The following BICC1 variants were observed in gnomAD, a reference collection of about 807,000 sequenced individuals.
The protein encoded by BICC1 is BicC family RNA binding protein 1.
BICC1 carries 43 observed loss-of-function variants against 111.0 expected under a neutral mutation model. The observed-to-expected ratio is 0.39, with a 90% CI of 0.30 to 0.50. BICC1 has a LOEUF of 0.50. Ranked by LOEUF, BICC1 falls within the 20% of genes least tolerant of loss-of-function variation. The pLI is 0.88. For missense variants in BICC1, 1,091 were observed against 1,203.2 expected, an observed-to-expected ratio of 0.91 and a Z score of 1.38; for synonymous variants, 467 against 434.4, an observed-to-expected ratio of 1.07 and a Z score of -0.93.
At chr10:58,525,677 C>T (rs1842516126) in intron 1 of BICC1, among the ~76,000 whole-genome samples, 4 of 127,040 alleles carry the variant, frequency 3.1e-5, no homozygotes, top group Admixed American at 2.9e-4. Context: ...CTAACCTGCA[C>T]GTTGTGTACA....
chr10:58,803,202 G>A lies in BICC1; in HGVS notation c.2141G>A (p.Arg714Lys). The A allele has an allele frequency of 6.2e-7, 1 of 1,608,736 alleles. No individual in the cohort carries two copies. The highest frequency in any genetic ancestry group is 8.5e-7 in the Non-Finnish European group (1 of 1,177,412). The change falls in exon 15 of 21, where the codon AGG (arginine) becomes AAG (lysine). Residue 714 changes from arginine to lysine, a missense_variant. Coordinates refer to ENST00000373886, the MANE Select transcript of BICC1 (RefSeq NM_001080512.3). The part of the protein sequence containing the change: ...RAAAAQQNSE[R>K]AHLAPRSSYV... ...GCAGCTGCCCAGCAAAACTCCGAAA[G>A]GGCCCACCTTGCTCCACGGTCATCA...
At chr10:58,683,503 C>T (rs1564551256) in intron 2 of BICC1, among the ~76,000 whole-genome samples, 2 of 152,192 alleles carry the variant, frequency 1.3e-5, no homozygotes. Flanking sequence ...TTGATTCTTC[C>T]TATCCATGAG....
At chr10:58,587,119 T>A (rs190255488) in intron 1 of BICC1, among the ~76,000 whole-genome samples, 2 of 152,290 alleles carry the variant, frequency 1.3e-5, no homozygotes. Context: ...GTGCCTCAGG[T>A]GCCTCATGCA....
chr10:58,646,423 G>A (rs759581759), intron 2 of BICC1, among the ~76,000 whole-genome samples: 13 of 152,116 alleles, frequency 8.5e-5, no homozygotes, highest in Admixed American at 2.0e-4. Flanking sequence ...TATAGTAACA[G>A]TTTTACCATA....
chr10:58,614,645 C>T (rs1311863746), intron 1 of BICC1, among the ~76,000 whole-genome samples: 2 of 151,992 alleles, frequency 1.3e-5, no homozygotes, highest in Non-Finnish European at 2.9e-5. Flanking sequence ...AAATCTTTCC[C>T]TTTTTATTCA....
chr10:58,533,345 T>C (rs2131859762), intron 1 of BICC1, among the ~76,000 whole-genome samples: 1 of 151,994 alleles, frequency 6.6e-6, no homozygotes, highest in South Asian at 2.1e-4. Flanking sequence ...CTTAATAATG[T>C]AAAAAAGACT....
chr10:58,820,872 C>A (rs1456096651), intron 20 of BICC1, among the ~76,000 whole-genome samples: 3 of 152,088 alleles, frequency 2.0e-5, no homozygotes, highest in African/African-American at 7.2e-5. Context: ...CGACTGAGTT[C>A]ATTGCACTGA....
At chr10:58,725,634 A>C (rs545991179) in intron 3 of BICC1, among the ~76,000 whole-genome samples, 2 of 152,206 alleles carry the variant, frequency 1.3e-5, no homozygotes, top group African/African-American at 4.8e-5. Flanking sequence ...CTTATTTTGC[A>C]AACAAATCCA....
intron 3 of BICC1, among the ~76,000 whole-genome samples, chr10:58,746,294 A>G (rs1841836215): frequency 1.3e-5 from 2 of 152,174 alleles, no homozygotes; most frequent in African/African-American, 2.4e-5. Flanking sequence ...AAAACAATGT[A>G]TTAATATTTG....
At chr10:58,591,741 G>C (rs529013255) in intron 1 of BICC1, among the ~76,000 whole-genome samples, 1 of 152,322 alleles carries the variant, frequency 6.6e-6, no homozygotes, top group African/African-American at 2.4e-5. Context: ...TCAATATTAT[G>C]ATTTTAGGAA....
At chr10:58,712,829 T>C (rs763638919) in intron 3 of BICC1, among the ~76,000 whole-genome samples, 2 of 152,112 alleles carry the variant, frequency 1.3e-5, no homozygotes, top group Non-Finnish European at 2.9e-5. Flanking sequence ...GAAGTTGATG[T>C]GATGTTGACA....
intron 1 of BICC1, among the ~76,000 whole-genome samples, chr10:58,542,019 T>C (rs1842996431): frequency 6.6e-6 from 1 of 151,508 alleles, no homozygotes; most frequent in Admixed American, 6.6e-5. Flanking sequence ...GGTGTAGTGA[T>C]GTGTGCCTTT....
chr10:58,749,553 A>G (rs1455783578), intron 3 of BICC1, among the ~76,000 whole-genome samples: 3 of 152,140 alleles, frequency 2.0e-5, no homozygotes, highest in Non-Finnish European at 4.4e-5. Context: ...AATTTCGTAT[A>G]ATTCAGATGT....
chr10:58,681,531 G>T (rs1462200341), intron 2 of BICC1, among the ~76,000 whole-genome samples: 2 of 152,184 alleles, frequency 1.3e-5, no homozygotes, highest in African/African-American at 4.8e-5. Context: ...TGGAGAAATA[G>T]GAATGGTTCT....
chr10:58,693,105 G>C (rs2132417173), intron 2 of BICC1, among the ~76,000 whole-genome samples: 1 of 152,162 alleles, frequency 6.6e-6, no homozygotes, highest in South Asian at 2.1e-4. Context: ...GTGAGAACAT[G>C]CGGTGTTTGG....
chr10:58,805,294 AAAAC>A lies in BICC1; in HGVS notation c.2182-1270_2182-1267del, dbSNP rs781154182. Among the ~76,000 whole-genome samples, 34 of 150,498 alleles carry A rather than the reference AAAAC, an allele frequency of 2.3e-4. 1 individual carries two copies. Among genetic ancestry groups the A allele is most frequent in the South Asian group, 1.2e-3 (6 of 4,810 alleles). On this transcript the variant is annotated intron_variant, in intron 15 of 20. Coordinates refer to ENST00000373886, the MANE Select transcript of BICC1 (RefSeq NM_001080512.3). ...GGCAACAGAGCGAGACTCTGTCTAA[AAAAC>A]AAACAAACAAACAAACAAAAAAACT...
intron 1 of BICC1, among the ~76,000 whole-genome samples, chr10:58,593,776 G>A (rs567335698): frequency 2.0e-5 from 3 of 152,186 alleles, no homozygotes; most frequent in African/African-American, 4.8e-5. Context: ...AGAAACCAGC[G>A]CAAAAATGCT....
chr10:58,768,604 T>G (rs951743455), intron 3 of BICC1, among the ~76,000 whole-genome samples: 4 of 152,114 alleles, frequency 2.6e-5, no homozygotes, highest in Non-Finnish European at 5.9e-5. Flanking sequence ...AACTCTAGTA[T>G]AAATGTTAAA....
At chr10:58,532,759 C>G (rs183850020) in intron 1 of BICC1, among the ~76,000 whole-genome samples, 4 of 151,938 alleles carry the variant, frequency 2.6e-5, no homozygotes, top group Admixed American at 1.3e-4. Context: ...AACAAATTTT[C>G]CACTCAATGG....
Sources: allele counts gnomAD v4.1 joint callset (sites outside exome capture counted in the v4.1 genomes callset), GRCh38; gene constraint gnomAD v4.1.1; transcripts MANE v1.5; gene names NCBI Gene and HGNC (gene_info 2026-07-23, HGNC 2026-07-21).